PCMTD1: variants seen among roughly 807,000 people sequenced by gnomAD.
PCMTD1 encodes the protein protein-L-isoaspartate (D-aspartate) O-methyltransferase domain containing 1.
Under a neutral mutation model 37.6 loss-of-function variants are expected in PCMTD1, and 12 were observed. The observed-to-expected ratio is 0.32, with a 90% CI of 0.20 to 0.52. The LOEUF (loss-of-function observed/expected upper bound fraction) is 0.52. PCMTD1 is among the 20% of genes least tolerant of loss of function. The probability of loss-of-function intolerance (pLI) is 0.97; values close to 1 mark genes in which losing one functional copy is unlikely to be tolerated. For missense variants in PCMTD1, 235 were observed against 421.3 expected (o/e 0.56, Z 3.87); for synonymous variants, 117 against 135.8 (o/e 0.86, Z 0.96).
chr8:51,858,328 A>C (rs949977101), intron 2 of PCMTD1, among the ~76,000 whole-genome samples: 18 of 152,080 alleles, frequency 1.2e-4, no homozygotes, highest in Non-Finnish European at 2.4e-4. Flanking sequence ...ATGGGGGAGC[A>C]CCTGTTATCC....
chr8:51,864,866 A>G (rs1338987461), intron 1 of PCMTD1, among the ~76,000 whole-genome samples: 1 of 152,102 alleles, frequency 6.6e-6, no homozygotes, highest in African/African-American at 2.4e-5. Context: ...TAGATAAAAT[A>G]GAAAACAGAA....
chr8:51,841,657 C>G (rs1370329660), intron 3 of PCMTD1, among the ~76,000 whole-genome samples: 1 of 124,550 alleles, frequency 8.0e-6, no homozygotes, highest in Admixed American at 9.1e-5. Flanking sequence ...TTAACATACT[C>G]TTCTAATAAA....
At chr8:51,899,057 C>G (rs1015740614), upstream of PCMTD1, 4 of 1,504,880 alleles carry the variant, frequency 2.7e-6, no homozygotes, top group South Asian at 2.5e-5. Context: ...GGCCCGGACC[C>G]GCGACTGGAG....
In PCMTD1 at chr8:51,861,137, C is replaced by T. The variant is rs189460500; in HGVS notation, c.15G>A (p.Val5=). 6.2e-7 allele frequency: 1 copy of T among 1,613,250 alleles called. No individual in the cohort carries two copies. The highest frequency in any genetic ancestry group is 2.2e-5 in the East Asian group (1 of 44,856). ...AGTCATCATTATCTTCCCCAGCACT[C>T]ACAGCTCCTCCCATGATAGTATTCA... MGGA[V]SAGEDNDDLI... is the part of the protein sequence containing the mutation. The change falls in exon 2 of 6, where the codon GTG becomes GTA. Residue 5 remains valine (V), a synonymous_variant. Coordinates refer to ENST00000522514, the MANE Select transcript of PCMTD1 (RefSeq NM_052937.4).
chr8:51,821,951 G>C (rs2037855182), intron 5 of PCMTD1, among the ~76,000 whole-genome samples: 1 of 152,064 alleles, frequency 6.6e-6, no homozygotes, highest in African/African-American at 2.4e-5. Context: ...TAGTCAGGAT[G>C]GTCTCAATCT....
chr8:51,873,100 T>C (rs573648036), intron 1 of PCMTD1, among the ~76,000 whole-genome samples: 1 of 152,336 alleles, frequency 6.6e-6, no homozygotes, highest in South Asian at 2.1e-4. Context: ...GTGAAAGCTA[T>C]ATAAAACAAA....
At chr8:51,860,060 C>T (rs1198356262) in intron 2 of PCMTD1, among the ~76,000 whole-genome samples, 1 of 152,218 alleles carries the variant, frequency 6.6e-6, no homozygotes, top group Non-Finnish European at 1.5e-5. Flanking sequence ...GCAGATTTTC[C>T]TCCACCCATG....
intron 1 of PCMTD1, among the ~76,000 whole-genome samples, chr8:51,874,936 A>C: frequency 6.6e-6 from 1 of 152,246 alleles, no homozygotes; most frequent in East Asian, 1.9e-4. Context: ...TGCAGAACAG[A>C]TCACTCCATT....
At chr8:51,831,100 C>T (rs932346744) in intron 5 of PCMTD1, among the ~76,000 whole-genome samples, 6 of 152,054 alleles carry the variant, frequency 3.9e-5, no homozygotes, top group African/African-American at 1.4e-4. Flanking sequence ...GTGTTTGAGG[C>T]CAGCCTGGCC....
upstream of PCMTD1, chr8:51,899,046 G>A (rs1204623419): frequency 1.4e-5 from 21 of 1,507,654 alleles, no homozygotes; most frequent in East Asian, 1.6e-4. Flanking sequence ...TGGAGAGGCG[G>A]GGCCCGGACC....
At position 51,860,979 on chromosome 8, in the gene PCMTD1, T is replaced by C. The variant is rs2038462286; in HGVS notation, c.173A>G (p.His58Arg). 2 of 1,614,070 alleles carry C rather than the reference T, an allele frequency of 1.2e-6. No homozygotes were observed. The highest frequency in any genetic ancestry group is 8.5e-7 in the Non-Finnish European group (1 of 1,180,036). The change falls in exon 2 of 6, where the codon CAT (histidine) becomes CGT (arginine). Residue 58 changes from histidine (H) to arginine (R), a missense_variant. Transcript: ENST00000522514. ...AGGTGCTGACAAGTGGATGTTTCCATGCTTCCAGGCTAAGTCTTTGTAAGC... is the reference window on the plus strand; with the variant it reads ...AGGTGCTGACAAGTGGATGTTTCCACGCTTCCAGGCTAAGTCTTTGTAAGC... Reference protein sequence around the residue: ...DNAYKDLAWKHGNIHLSAPCI... With the variant: ...DNAYKDLAWKRGNIHLSAPCI...
chr8:51,834,399 G>A (rs17210431), intron 3 of PCMTD1, among the ~76,000 whole-genome samples: 9,383 of 152,144 alleles, frequency 0.062, 379 homozygotes, highest in Non-Finnish European at 0.087. Context: ...TTGGTTCATG[G>A]TACACGGAGT....
chr8:51,867,483 G>C (rs963548077), intron 1 of PCMTD1, among the ~76,000 whole-genome samples: 38 of 76,182 alleles, frequency 5.0e-4, no homozygotes, highest in African/African-American at 1.6e-3. Context: ...AATGGTGTGT[G>C]TGTGTGTGTG....
At chr8:51,853,430 G>A (rs191701865) in intron 2 of PCMTD1, among the ~76,000 whole-genome samples, 1 of 150,976 alleles carries the variant, frequency 6.6e-6, no homozygotes, top group African/African-American at 2.4e-5. Context: ...CCTACACAGG[G>A]AGATAGAGAT....
At chr8:51,884,452 G>A (rs2038836243) in intron 1 of PCMTD1, among the ~76,000 whole-genome samples, 1 of 152,166 alleles carries the variant, frequency 6.6e-6, no homozygotes, top group South Asian at 2.1e-4. Flanking sequence ...ATGGCAAAAG[G>A]GAATAAAGTA....
chr8:51,863,702 A>G (rs2038508362), intron 1 of PCMTD1, among the ~76,000 whole-genome samples: 1 of 152,176 alleles, frequency 6.6e-6, no homozygotes, highest in South Asian at 2.1e-4. Context: ...CGGGCAGATC[A>G]CTTGAAGTCA....
At chr8:51,836,194 T>C (rs1312041795) in intron 3 of PCMTD1, among the ~76,000 whole-genome samples, 1 of 152,156 alleles carries the variant, frequency 6.6e-6, no homozygotes, top group African/African-American at 2.4e-5. Context: ...ATCTGAAAGA[T>C]GAGACAGGAC....
Position 51,820,448 on chromosome 8 carries a change from G to A in PCMTD1, c.977C>T (p.Pro326Leu), listed in dbSNP as rs769437273. The A allele has an allele frequency of 4.3e-6, 7 of 1,613,480 alleles. No homozygotes were observed. The Admixed American group carries it at 5.0e-5, about 12-fold the overall frequency. Residue 326 changes from proline (P) to leucine (L), a missense_variant, in exon 6 of 6, where the codon CCA becomes CTA. Physicochemically the swap from Pro to Leu is moderately conservative, Grantham distance 98 (BLOSUM62 -3). This residue lies in a region of PCMTD1 where 11 missense variants were observed against 35.6 expected (regional missense o/e 0.31). Coordinates refer to ENST00000522514, the MANE Select transcript of PCMTD1 (RefSeq NM_052937.4). ...CAGTAAATTTTGAGGTGGCTCCTCT[G>A]GCTTCATTGCTTCATTGTGATCTTT... is the stretch of plus-strand genomic sequence containing the variant. ...EEKDHNEAMK[P>L]EEPPQNLLRE...
At chr8:51,885,713 A>G (rs2038856213) in intron 1 of PCMTD1, among the ~76,000 whole-genome samples, 1 of 152,244 alleles carries the variant, frequency 6.6e-6, no homozygotes, top group Non-Finnish European at 1.5e-5. Flanking sequence ...GCAACAGTAA[A>G]TGACACTAAA....
Sources: allele counts gnomAD v4.1 joint callset (sites outside exome capture counted in the v4.1 genomes callset), GRCh38; gene constraint gnomAD v4.1.1; regional missense constraint gnomAD v4.1.1; transcripts MANE v1.5; gene names NCBI Gene and HGNC (gene_info 2026-07-23, HGNC 2026-07-21).